Variants in PLCB4 observed in about 807,000 individuals in gnomAD.
The protein encoded by PLCB4 is 1-phosphatidylinositol 4,5-bisphosphate phosphodiesterase beta-4.
In PLCB4, 77 loss-of-function variants were observed where a neutral mutation model predicts 178.8. The ratio of observed to expected loss-of-function variants is 0.43; its 90% confidence interval spans 0.36 to 0.52. PLCB4 has a LOEUF of 0.52. PLCB4 is among the 20% of genes least tolerant of loss of function. The probability of loss-of-function intolerance (pLI) is 0.00; values close to 1 mark genes in which losing one functional copy is unlikely to be tolerated. For synonymous variants in PLCB4, 496 were observed against 490.8 expected (o/e 1.01, Z -0.14); for missense variants, 1,024 against 1,453.4 (o/e 0.70, Z 4.80).
chr20:9,289,767 A>G (rs1475506257), intron 3 of PLCB4, among the ~76,000 whole-genome samples: 4 of 152,152 alleles, frequency 2.6e-5, no homozygotes, highest in South Asian at 2.1e-4. Flanking sequence ...GTTAAGTTCT[A>G]TTAATAGTTC....
chr20:9,306,718 C>T (rs1324767827), intron 3 of PLCB4, among the ~76,000 whole-genome samples: 1 of 152,106 alleles, frequency 6.6e-6, no homozygotes, highest in African/African-American at 2.4e-5. Context: ...TGTATGCTCC[C>T]CTGTCATGCA....
At chr20:9,316,711 C>G (rs2094903189) in intron 4 of PLCB4, among the ~76,000 whole-genome samples, 1 of 152,128 alleles carries the variant, frequency 6.6e-6, no homozygotes, top group Admixed American at 6.5e-5. Context: ...AGAAGAAAGC[C>G]AAGGCCAGGC....
intron 3 of PLCB4, among the ~76,000 whole-genome samples, chr20:9,251,462 G>A (rs1211282137): frequency 1.3e-5 from 2 of 152,148 alleles, no homozygotes; most frequent in Non-Finnish European, 2.9e-5. Flanking sequence ...GAAATACTGA[G>A]GTGAAGCGTT....
At chr20:9,307,588 C>T (rs1167587121) in intron 3 of PLCB4, among the ~76,000 whole-genome samples, 1 of 151,258 alleles carries the variant, frequency 6.6e-6, no homozygotes, top group Non-Finnish European at 1.5e-5. Flanking sequence ...ATGGAAACTT[C>T]CCAAATGATC....
At position 9,338,139 on chromosome 20, in the gene PLCB4, A is replaced by AT. The variant is rs1228208242; in HGVS notation, c.225+73dup. 3.0e-5 allele frequency: 30 copies of AT among 992,658 alleles called. No individual in the cohort carries two copies. In the East Asian group the frequency reaches 6.8e-4, roughly 22 times the overall value. 61.5% of individuals were successfully genotyped at this position (992,658 alleles called of 1,614,324 possible). A position where few individuals can be genotyped will look rare whatever the true frequency, so the allele number is the denominator to read the frequency against. On this transcript the variant is annotated intron_variant, in intron 6 of 39. Coordinates refer to ENST00000378473, the MANE Select transcript of PLCB4 (RefSeq NM_001377142.1). The stretch of plus-strand genomic sequence containing the variant: ...TTGGAAATGGCCATGGCTTCTAGAG[A>AT]TAAAAAACTCACTCTTTGTATCCAG...
chr20:9,396,296 G>A (rs550286907), intron 19 of PLCB4, among the ~76,000 whole-genome samples: 1 of 152,226 alleles, frequency 6.6e-6, no homozygotes, highest in African/African-American at 2.4e-5. Flanking sequence ...GAGTAGAGAG[G>A]CAAATAATTT....
chr20:9,239,125 T>C (rs2094027382), intron 3 of PLCB4, among the ~76,000 whole-genome samples: 1 of 152,220 alleles, frequency 6.6e-6, no homozygotes, highest in Non-Finnish European at 1.5e-5. Context: ...TTAGTTTAAA[T>C]AGCATTTTTC....
chr20:9,371,994 A>G (rs2036292240), intron 10 of PLCB4, among the ~76,000 whole-genome samples: 2 of 152,286 alleles, frequency 1.3e-5, no homozygotes, highest in Non-Finnish European at 2.9e-5. Flanking sequence ...TTCTCCCTCA[A>G]GGTGAGTTGG....
At chr20:9,285,755 T>A (rs2094531194) in intron 3 of PLCB4, among the ~76,000 whole-genome samples, 1 of 151,966 alleles carries the variant, frequency 6.6e-6, no homozygotes, top group Admixed American at 6.6e-5. Context: ...GATGGAGCAT[T>A]CTACTGTCTG....
chr20:9,343,900 A>G (rs67431672), intron 7 of PLCB4, among the ~76,000 whole-genome samples: 10,685 of 152,246 alleles, frequency 0.07, 417 homozygotes, highest in African/African-American at 0.094. Context: ...TCCAGAATCC[A>G]GCTGCTCCTC....
chr20:9,324,590 G>A (rs1471316386), intron 4 of PLCB4, among the ~76,000 whole-genome samples: 1 of 152,208 alleles, frequency 6.6e-6, no homozygotes, highest in Admixed American at 6.5e-5. Context: ...CCTTCCCTCA[G>A]GGTAAGAGGT....
chr20:9,400,873 T>C (rs1291601259), intron 19 of PLCB4, among the ~76,000 whole-genome samples: 2 of 152,162 alleles, frequency 1.3e-5, no homozygotes, highest in Non-Finnish European at 2.9e-5. Context: ...GACACCAGCT[T>C]TATTTGGCAC....
Position 9,075,383 on chromosome 20 carries a change from T to TA in PLCB4, c.-135+6181dup, listed in dbSNP as rs552656628. ...TGGAATTGGAATAAGAAATTGAGGATAAAACAATGCATTCTTATCTAATCC... is the reference window on the plus strand; with the variant it reads ...TGGAATTGGAATAAGAAATTGAGGATAAAAACAATGCATTCTTATCTAATCC... On this transcript the variant is annotated intron_variant, in intron 1 of 39. Transcript: ENST00000378473. 5.3e-5 allele frequency among the ~76,000 whole-genome samples: 8 copies of TA among 152,360 alleles called. No individual in the cohort carries two copies. The South Asian group carries it at 1.7e-3, about 32-fold the overall frequency.
At chr20:9,433,670 C>T (rs1039693671) in intron 28 of PLCB4, among the ~76,000 whole-genome samples, 4 of 152,196 alleles carry the variant, frequency 2.6e-5, no homozygotes, top group African/African-American at 9.7e-5. Flanking sequence ...GTACTGTTCT[C>T]TCCACTTTTG....
chr20:9,450,772 C>T (rs1462911229), intron 32 of PLCB4, among the ~76,000 whole-genome samples: 5 of 150,990 alleles, frequency 3.3e-5, no homozygotes, highest in African/African-American at 9.7e-5. Context: ...CCTCAGCCTC[C>T]AGAGTAGCTG....
chr20:9,456,849 C>T (rs766456753), intron 33 of PLCB4, among the ~76,000 whole-genome samples: 34 of 152,174 alleles, frequency 2.2e-4, no homozygotes, highest in Non-Finnish European at 4.3e-4. Flanking sequence ...GTTTCAGCAG[C>T]GATGTGGATA....
At chr20:9,426,358 C>T (rs1003090089) in intron 28 of PLCB4, among the ~76,000 whole-genome samples, 1 of 152,038 alleles carries the variant, frequency 6.6e-6, no homozygotes, top group Non-Finnish European at 1.5e-5. Flanking sequence ...TTGTTTACTT[C>T]CAGTCTCTTT....
intron 25 of PLCB4, among the ~76,000 whole-genome samples, chr20:9,416,443 C>T (rs1051758738): frequency 3.9e-5 from 6 of 152,170 alleles, no homozygotes; most frequent in African/African-American, 1.4e-4. Flanking sequence ...TCATTTGCCA[C>T]AGCTGGGGTC....
chr20:9,478,339 A>G (rs1037692770), intron 39 of PLCB4, among the ~76,000 whole-genome samples: 7 of 152,144 alleles, frequency 4.6e-5, no homozygotes, highest in African/African-American at 1.7e-4. Flanking sequence ...GCACAATAAG[A>G]TTCCTGAAAG....
Sources: allele counts gnomAD v4.1 joint callset (sites outside exome capture counted in the v4.1 genomes callset), GRCh38; gene constraint gnomAD v4.1.1; transcripts MANE v1.5; gene names NCBI Gene and HGNC (gene_info 2026-07-23, HGNC 2026-07-21).